Variants in EPHB1 observed in about 807,000 individuals in gnomAD.
EPHB1 encodes EPH receptor B1.
EPHB1 carries 30 observed loss-of-function variants against 94.4 expected under a neutral mutation model. That is an observed-to-expected ratio of 0.32 (90% CI 0.24 to 0.43). EPHB1 has a LOEUF of 0.43. Among genes scored for constraint, EPHB1 ranks in the 20% least tolerant of loss-of-function variants. The pLI, the probability that EPHB1 is intolerant of heterozygous loss-of-function variation, is 1.00. For missense variants in EPHB1, 1,055 were observed against 1,308.3 expected, an observed-to-expected ratio of 0.81 and a Z score of 2.99; for synonymous variants, 522 against 489.1, an observed-to-expected ratio of 1.07 and a Z score of -0.89.
chr3:135,142,675 T>C (rs968861480), intron 5 of EPHB1, among the ~76,000 whole-genome samples: 5 of 152,094 alleles, frequency 3.3e-5, no homozygotes, highest in Admixed American at 3.3e-4. Flanking sequence ...CGAGTGACTT[T>C]AGGCAAAGCA....
intron 12 of EPHB1, among the ~76,000 whole-genome samples, chr3:135,213,546 A>G (rs1943077451): frequency 6.6e-6 from 1 of 152,336 alleles, no homozygotes; most frequent in East Asian, 1.9e-4. Context: ...GAGGGCATGC[A>G]CATACCAGGA....
rs59476370 is a variant in EPHB1, at chr3:135,004,113, T to G, written c.805+52061T>G. ...AGCTGGTACTGGTTGTTCCTTTCCATGTTTAGCGCTTCCTTCAGAAGCTCT... is the reference window on the plus strand; with the variant it reads ...AGCTGGTACTGGTTGTTCCTTTCCAGGTTTAGCGCTTCCTTCAGAAGCTCT... On this transcript the variant is annotated intron_variant, in intron 3 of 15. Transcript: ENST00000398015. 6.0e-3 allele frequency among the ~76,000 whole-genome samples: 918 copies of G among 152,188 alleles called. 15 individuals are homozygous for G. Among genetic ancestry groups the G allele is most frequent in the African/African-American group, 0.02 (814 of 41,428 alleles).
chr3:134,795,445 C>T lies in EPHB1; in HGVS notation c.-187C>T. The T allele has an allele frequency of 1.7e-6, 1 of 582,180 alleles. No individual in the cohort carries two copies. Among genetic ancestry groups the T allele is most frequent in the Non-Finnish European group, 3.0e-6 (1 of 338,500 alleles). The allele number at this position is 582,180 out of a possible 1,614,324, so 36.1% of individuals were successfully genotyped here. On this transcript the variant is annotated 5_prime_UTR_variant, in exon 1 of 16. Coordinates refer to ENST00000398015, the MANE Select transcript of EPHB1 (RefSeq NM_004441.5). ...CATGCACACCCACACCCACGCGCGC[C>T]CGCACCGCCCCACGCGCACACACTC...
At chr3:135,039,683 C>T (rs1019674553) in intron 3 of EPHB1, among the ~76,000 whole-genome samples, 5 of 152,250 alleles carry the variant, frequency 3.3e-5, no homozygotes, top group African/African-American at 1.2e-4. Context: ...TGCTAAGTCC[C>T]CCCTTGCTCG....
At chr3:135,246,205 T>G (rs1264120712) in intron 13 of EPHB1, among the ~76,000 whole-genome samples, 1 of 152,118 alleles carries the variant, frequency 6.6e-6, no homozygotes, top group Non-Finnish European at 1.5e-5. Flanking sequence ...AGGTTGAGTT[T>G]GGACTCTAGC....
intron 3 of EPHB1, among the ~76,000 whole-genome samples, chr3:135,065,212 A>T (rs773124915): frequency 6.6e-6 from 1 of 152,152 alleles, no homozygotes; most frequent in Non-Finnish European, 1.5e-5. Flanking sequence ...TATATTTATT[A>T]AGTCCATTTG....
intron 1 of EPHB1, among the ~76,000 whole-genome samples, chr3:134,826,801 G>T (rs554804747): frequency 6.6e-6 from 1 of 152,152 alleles, no homozygotes; most frequent in African/African-American, 2.4e-5. Context: ...TTTCTATTTT[G>T]TAGGGGGAAA....
Position 134,795,645 on chromosome 3 carries a change from A to G in EPHB1, c.14A>G (p.Tyr5Cys), listed in dbSNP as rs2035809429. The change falls in exon 1 of 16, where the codon TAT (tyrosine) becomes TGT (cysteine). Residue 5 changes from tyrosine (Y) to cysteine (C), a missense_variant. Transcript: ENST00000398015. MALD[Y>C]LLLLLLASAV... ...CGTCGGCCGGCGATGGCCCTGGATTATCTACTACTGCTCCTCCTGGCATCC... is the reference window on the plus strand; with the variant it reads ...CGTCGGCCGGCGATGGCCCTGGATTGTCTACTACTGCTCCTCCTGGCATCC... The G allele has an allele frequency of 6.2e-7, 1 of 1,608,970 alleles. No homozygotes were observed. The highest frequency in any genetic ancestry group is 1.7e-5 in the Admixed American group (1 of 59,808).
chr3:135,162,170 T>C lies in EPHB1; in HGVS notation c.1575T>C (p.Thr525=), dbSNP rs1474801892. The change falls in exon 7 of 16, where the codon ACT becomes ACC. Residue 525 remains threonine, a synonymous_variant. Transcript: ENST00000398015. ...TCAGTGGCAAGATGTGCTTCCAGAC[T>C]CTGACTGACGGTAAGGGTCGGGGAG... ...GKFSGKMCFQ[T]LTDDDYKSEL... is the part of the protein sequence containing the mutation. 1 of 1,605,116 alleles carries C rather than the reference T, an allele frequency of 6.2e-7. No individual in the cohort carries two copies. The highest frequency in any genetic ancestry group is 8.5e-7 in the Non-Finnish European group (1 of 1,174,740).
chr3:135,121,767 C>G (rs1237744948), intron 4 of EPHB1, among the ~76,000 whole-genome samples: 1 of 151,804 alleles, frequency 6.6e-6, no homozygotes, highest in Non-Finnish European at 1.5e-5. Flanking sequence ...GTTTTTCCTG[C>G]TTCACAGGGC....
chr3:134,923,426 A>AT (rs2038727962), intron 1 of EPHB1, among the ~76,000 whole-genome samples: 1 of 152,232 alleles, frequency 6.6e-6, no homozygotes, highest in Admixed American at 6.5e-5. Flanking sequence ...CCCTGCTTAT[A>AT]TCCCATGCAG....
intron 3 of EPHB1, among the ~76,000 whole-genome samples, chr3:135,025,350 A>C (rs1936124581): frequency 1.3e-5 from 1 of 75,534 alleles, no homozygotes; most frequent in Non-Finnish European, 2.6e-5. Context: ...TCCCAATGCT[A>C]TCCCTCCCCC....
intron 2 of EPHB1, among the ~76,000 whole-genome samples, chr3:134,949,755 A>T (rs1223421554): frequency 6.6e-6 from 1 of 152,138 alleles, no homozygotes; most frequent in Admixed American, 6.5e-5. Context: ...GGCAAACAGA[A>T]TATAAGTTTA....
At chr3:135,043,090 C>G (rs1936901249) in intron 3 of EPHB1, among the ~76,000 whole-genome samples, 1 of 151,976 alleles carries the variant, frequency 6.6e-6, no homozygotes, top group African/African-American at 2.4e-5. Context: ...AATCCACCTG[C>G]CTCAGATTCC....
intron 3 of EPHB1, among the ~76,000 whole-genome samples, chr3:135,060,070 G>A (rs1937451222): frequency 6.6e-6 from 1 of 152,208 alleles, no homozygotes; most frequent in Non-Finnish European, 1.5e-5. Context: ...AATTCACTCT[G>A]TAAATTGCTT....
intron 3 of EPHB1, among the ~76,000 whole-genome samples, chr3:135,042,185 G>A (rs1936870369): frequency 6.6e-6 from 1 of 152,134 alleles, no homozygotes. Flanking sequence ...AACTGCCTCA[G>A]CTTCTCAAAG....
chr3:134,981,590 T>C (rs557809419), intron 3 of EPHB1, among the ~76,000 whole-genome samples: 43 of 152,344 alleles, frequency 2.8e-4, no homozygotes, highest in African/African-American at 1.0e-3. Context: ...CAAATTGCAT[T>C]GAGTACCACA....
chr3:134,927,527 A>G (rs1271189715), intron 2 of EPHB1, among the ~76,000 whole-genome samples: 1 of 152,232 alleles, frequency 6.6e-6, no homozygotes, highest in Admixed American at 6.5e-5. Context: ...CAGTTCTTCC[A>G]TATCACCTGG....
At chr3:134,966,223 G>A (rs112572884) in intron 3 of EPHB1, among the ~76,000 whole-genome samples, 65 of 152,350 alleles carry the variant, frequency 4.3e-4, no homozygotes, top group African/African-American at 1.5e-3. Flanking sequence ...GAGAATGAGA[G>A]TGAGCCTGGA....
Sources: gnomAD v4.1 joint callset for allele counts (sites outside exome capture counted in the v4.1 genomes callset) on GRCh38, gnomAD v4.1.1 for gene constraint, MANE v1.5 for transcripts, NCBI Gene and HGNC (gene_info 2026-07-23, HGNC 2026-07-21) for gene names.